KCNIP4: variants seen among roughly 807,000 people sequenced by gnomAD.
KCNIP4 encodes Kv channel-interacting protein 4.
KCNIP4 carries 12 observed loss-of-function variants against 34.0 expected under a neutral mutation model. That is an observed-to-expected ratio of 0.35 (90% CI 0.23 to 0.57). The LOEUF (loss-of-function observed/expected upper bound fraction) is 0.57, where lower values mean the gene tolerates loss of function less well. KCNIP4 is among the 20% of genes least tolerant of loss of function. The pLI is 0.83. For missense variants in KCNIP4, 238 were observed against 311.7 expected, an observed-to-expected ratio of 0.76 and a Z score of 1.78; for synonymous variants, 124 against 102.2, an observed-to-expected ratio of 1.21 and a Z score of -1.29.
chr4:20,804,701 G>C (rs1714839684), intron 3 of KCNIP4, among the ~76,000 whole-genome samples: 1 of 152,122 alleles, frequency 6.6e-6, no homozygotes, highest in South Asian at 2.1e-4. Flanking sequence ...TAGGTTGCTA[G>C]TGTCAGAAAC....
intron 1 of KCNIP4, among the ~76,000 whole-genome samples, chr4:21,110,714 G>A (rs1187776570): frequency 3.9e-5 from 6 of 152,164 alleles, no homozygotes; most frequent in South Asian, 2.1e-4. Flanking sequence ...CATGGAATAA[G>A]TACCCTTATA....
At chr4:21,095,836 A>G (rs546418461) in intron 1 of KCNIP4, among the ~76,000 whole-genome samples, 1 of 152,300 alleles carries the variant, frequency 6.6e-6, no homozygotes, top group East Asian at 1.9e-4. Flanking sequence ...AGAGTTCTGT[A>G]CACGTTCACA....
chr4:21,055,377 A>T (rs1213466590), intron 1 of KCNIP4, among the ~76,000 whole-genome samples: 1 of 152,184 alleles, frequency 6.6e-6, no homozygotes, highest in Non-Finnish European at 1.5e-5. Context: ...TATAAAAACT[A>T]AACATAATGT....
intron 1 of KCNIP4, among the ~76,000 whole-genome samples, chr4:21,859,410 C>T (rs1384569088): frequency 2.6e-5 from 4 of 151,398 alleles, no homozygotes; most frequent in East Asian, 3.9e-4. Flanking sequence ...AGATCGAGAC[C>T]ATCCTGGCTA....
chr4:21,199,393 T>C (rs184129110), intron 1 of KCNIP4, among the ~76,000 whole-genome samples: 1 of 152,336 alleles, frequency 6.6e-6, no homozygotes, highest in East Asian at 1.9e-4. Flanking sequence ...TTCATATCCT[T>C]CCCCCACTTT....
chr4:21,544,223 C>T (rs1424987338), intron 1 of KCNIP4, among the ~76,000 whole-genome samples: 1 of 151,416 alleles, frequency 6.6e-6, no homozygotes, highest in East Asian at 2.0e-4. Context: ...TAGAGTCAGC[C>T]TATGAGAAAT....
intron 1 of KCNIP4, among the ~76,000 whole-genome samples, chr4:21,248,411 C>A (rs1262544464): frequency 6.6e-6 from 1 of 152,092 alleles, no homozygotes; most frequent in Non-Finnish European, 1.5e-5. Flanking sequence ...AAATTCACAC[C>A]TTCCCCTTGG....
chr4:21,519,785 A>ATG (rs200025206), intron 1 of KCNIP4, among the ~76,000 whole-genome samples: 2,574 of 128,100 alleles, frequency 0.02, 136 homozygotes, highest in African/African-American at 0.048. Context: ...ACGTGTGTGT[A>ATG]TGTGTGTGTA....
chr4:20,768,121 G>A (rs1232294525), intron 3 of KCNIP4, among the ~76,000 whole-genome samples: 1 of 152,172 alleles, frequency 6.6e-6, no homozygotes, highest in Non-Finnish European at 1.5e-5. Context: ...GGACTTCTCT[G>A]CTCTCTTTAG....
chr4:21,369,829 T>A (rs1720153205), intron 1 of KCNIP4, among the ~76,000 whole-genome samples: 1 of 144,634 alleles, frequency 6.9e-6, no homozygotes, highest in Admixed American at 6.7e-5. Context: ...TTTTTTTTTT[T>A]TTTTTTTTTT....
chr4:21,383,621 C>T (rs1226253847), intron 1 of KCNIP4, among the ~76,000 whole-genome samples: 2 of 151,936 alleles, frequency 1.3e-5, no homozygotes, highest in Non-Finnish European at 1.5e-5. Context: ...TGGAGGGGAT[C>T]ACTAAGTGAG....
intron 1 of KCNIP4, among the ~76,000 whole-genome samples, chr4:21,822,237 C>A: frequency 6.6e-6 from 1 of 152,076 alleles, no homozygotes; most frequent in East Asian, 1.9e-4. Flanking sequence ...AATTAAATGG[C>A]AAAGAGCATA....
At chr4:21,519,767 G>GTATA (rs1485061760) in intron 1 of KCNIP4, among the ~76,000 whole-genome samples, 1 of 130,178 alleles carries the variant, frequency 7.7e-6, no homozygotes, top group Non-Finnish European at 1.6e-5. Context: ...ATGTATGTGT[G>GTATA]TATACACACG....
At chr4:21,763,627 T>C (rs560245671) in intron 1 of KCNIP4, among the ~76,000 whole-genome samples, 1 of 152,236 alleles carries the variant, frequency 6.6e-6, no homozygotes, top group Non-Finnish European at 1.5e-5. Context: ...CTGGTTAACC[T>C]TGAGCAAGTT....
At chr4:20,749,602 T>TC in intron 5 of KCNIP4, 60 bp downstream of exon 5, 1 of 1,167,896 alleles carries the variant, frequency 8.6e-7, no homozygotes, top group Non-Finnish European at 1.2e-6. Context: ...ACTCACATTT[T>TC]CCCCCTAAAA....
intron 1 of KCNIP4, among the ~76,000 whole-genome samples, chr4:20,928,244 C>CTTT (rs11403879): frequency 9.2e-4 from 136 of 147,032 alleles, no homozygotes; most frequent in African/African-American, 3.0e-3. Context: ...AAGATAGTTT[C>CTTT]TTTTTTTTTT....
chr4:21,107,433 T>A (rs1471779013), intron 1 of KCNIP4, among the ~76,000 whole-genome samples: 5 of 151,240 alleles, frequency 3.3e-5, no homozygotes, highest in Non-Finnish European at 7.4e-5. Flanking sequence ...CTGCCTTTTT[T>A]TTGTTTTCCA....
At chr4:21,433,855 A>G (rs901553196) in intron 1 of KCNIP4, among the ~76,000 whole-genome samples, 2 of 152,222 alleles carry the variant, frequency 1.3e-5, no homozygotes, top group Non-Finnish European at 2.9e-5. Context: ...CCATATAAAT[A>G]ATTATCAACT....
intron 1 of KCNIP4, among the ~76,000 whole-genome samples, chr4:21,235,573 A>T (rs754021341): frequency 3.3e-5 from 5 of 152,210 alleles, no homozygotes; most frequent in Admixed American, 6.5e-5. Flanking sequence ...ACTGGCTTAT[A>T]GTATGACCCA....
Sources: allele counts gnomAD v4.1 joint callset (sites outside exome capture counted in the v4.1 genomes callset), GRCh38; gene constraint gnomAD v4.1.1; transcripts MANE v1.5; gene names NCBI Gene and HGNC (gene_info 2026-07-23, HGNC 2026-07-21).